CDH20: variants seen among roughly 807,000 people sequenced by gnomAD.
The protein encoded by CDH20 is cadherin-20.
CDH20 carries 29 observed loss-of-function variants against 74.2 expected under a neutral mutation model. The ratio of observed to expected loss-of-function variants is 0.39; its 90% CI spans 0.29 to 0.53. The LOEUF (loss-of-function observed/expected upper bound fraction) is 0.53. CDH20 is among the 20% of genes least tolerant of loss of function. CDH20 has a pLI of 0.69. For missense variants in CDH20, 988 were observed against 1,048.3 expected, an observed-to-expected ratio of 0.94 and a Z score of 0.79; for synonymous variants, 469 against 405.4, an observed-to-expected ratio of 1.16 and a Z score of -1.88.
intron 1 of CDH20, among the ~76,000 whole-genome samples, chr18:61,419,435 G>A (rs1912801959): frequency 6.6e-6 from 1 of 152,024 alleles, no homozygotes; most frequent in South Asian, 2.1e-4. Context: ...ATTCATTTGT[G>A]TACAAAAGTT....
chr18:61,507,473 A>C lies in CDH20; in HGVS notation c.930A>C (p.Lys310Asn). ...DLDEGINAEMKYTIVDGDGAD... is the reference protein window; with the variant it reads ...DLDEGINAEMNYTIVDGDGAD... ...ATGAAGGCATCAATGCAGAGATGAA[A>C]TATACTATTGTGGATGGAGATGGTG... is the stretch of plus-strand genomic sequence containing the variant. The change falls in exon 6 of 12, where the codon AAA (lysine) becomes AAC (asparagine). Residue 310 changes from lysine (K) to asparagine (N), a missense_variant. Physicochemically the swap from Lys to Asn is moderately conservative, Grantham distance 94 (BLOSUM62 0). This residue lies in a region of CDH20 where 613 missense variants were observed against 755.2 expected (regional missense o/e 0.81). Transcript: ENST00000262717. The C allele has an allele frequency of 6.2e-7, 1 of 1,614,058 alleles. No homozygotes were observed. Among genetic ancestry groups the C allele is most frequent in the Non-Finnish European group, 8.5e-7 (1 of 1,179,962 alleles).
At chr18:61,367,041 A>G (rs116398110) in intron 1 of CDH20, among the ~76,000 whole-genome samples, 2,260 of 152,272 alleles carry the variant, frequency 0.015, 62 homozygotes, top group African/African-American at 0.051. Context: ...AGACAGGAAG[A>G]GAGAAATAAG....
At chr18:61,410,148 T>C (rs1912449736) in intron 1 of CDH20, among the ~76,000 whole-genome samples, 1 of 152,202 alleles carries the variant, frequency 6.6e-6, no homozygotes, top group African/African-American at 2.4e-5. Flanking sequence ...TTCAGAATTG[T>C]CCTGTCCTGG....
chr18:61,463,568 AC>A (rs148805026), intron 1 of CDH20, among the ~76,000 whole-genome samples: 1,602 of 152,204 alleles, frequency 0.011, 27 homozygotes, highest in African/African-American at 0.037. Context: ...TCTCTGAAAC[AC>A]ACCCTTTGGC....
At chr18:61,361,038 G>A (rs1424437835) in intron 1 of CDH20, among the ~76,000 whole-genome samples, 1 of 152,136 alleles carries the variant, frequency 6.6e-6, no homozygotes, top group Non-Finnish European at 1.5e-5. Context: ...TCATTAAGGT[G>A]GACAATTAAT....
chr18:61,503,634 G>T (rs977642336), intron 5 of CDH20, among the ~76,000 whole-genome samples: 1 of 152,202 alleles, frequency 6.6e-6, no homozygotes, highest in Non-Finnish European at 1.5e-5. Flanking sequence ...GCACTTGCTT[G>T]GTGAGACCCC....
chr18:61,398,217 C>T (rs1041016284), intron 1 of CDH20, among the ~76,000 whole-genome samples: 8 of 152,254 alleles, frequency 5.3e-5, no homozygotes, highest in Non-Finnish European at 1.2e-4. Flanking sequence ...AACTAGTATA[C>T]GAATCATACA....
intron 1 of CDH20, among the ~76,000 whole-genome samples, chr18:61,425,728 A>C (rs979782920): frequency 6.6e-6 from 1 of 152,176 alleles, no homozygotes; most frequent in Admixed American, 6.5e-5. Flanking sequence ...GAGTGATAAA[A>C]CATTACACAT....
intron 1 of CDH20, among the ~76,000 whole-genome samples, chr18:61,484,737 CCACACACACACACACACACACACACACA>C (rs36203080): frequency 1.4e-5 from 2 of 146,250 alleles, no homozygotes; most frequent in African/African-American, 5.1e-5. Context: ...TTGCTCTACT[CCACACACACACACACACACACACACACA>C]CACACACACA....
In CDH20 at chr18:61,364,926, G is replaced by C. The variant is rs149264124; in HGVS notation, c.-153+31099G>C. The stretch of plus-strand genomic sequence containing the variant: ...TTCTAAATAGCTACACTAAAGTTGA[G>C]GTATAAAACCTCAATTTTAAGCATC... On this transcript the variant is annotated intron_variant, in intron 1 of 11. Coordinates refer to ENST00000262717, the MANE Select transcript of CDH20 (RefSeq NM_031891.4). Among the ~76,000 whole-genome samples, 995 of 152,202 alleles carry C rather than the reference G, an allele frequency of 6.5e-3. 7 individuals carry two copies. The highest frequency in any genetic ancestry group is 0.01 in the Non-Finnish European group (709 of 67,994).
intron 1 of CDH20, among the ~76,000 whole-genome samples, chr18:61,455,187 A>T (rs1414613634): frequency 1.3e-5 from 2 of 152,240 alleles, no homozygotes; most frequent in Non-Finnish European, 2.9e-5. Flanking sequence ...ATCATGAAAG[A>T]CAAGGAAAAT....
chr18:61,544,535 G>T (rs1913159664), intron 9 of CDH20, among the ~76,000 whole-genome samples: 1 of 152,184 alleles, frequency 6.6e-6, no homozygotes, highest in Non-Finnish European at 1.5e-5. Flanking sequence ...GCGGGGGATG[G>T]AGTGGGAAGG....
At chr18:61,524,568 G>A (rs2144363919) in intron 6 of CDH20, among the ~76,000 whole-genome samples, 1 of 152,300 alleles carries the variant, frequency 6.6e-6, no homozygotes, top group Non-Finnish European at 1.5e-5. Flanking sequence ...AGTGAAGAAT[G>A]GATAAATCAA....
intron 1 of CDH20, among the ~76,000 whole-genome samples, chr18:61,362,827 A>G (rs996974798): frequency 3.9e-5 from 6 of 152,286 alleles, no homozygotes; most frequent in Non-Finnish European, 4.4e-5. Context: ...CATATGCTTG[A>G]ATATACATAT....
At chr18:61,417,884 C>A (rs114973767) in intron 1 of CDH20, among the ~76,000 whole-genome samples, 1 of 152,256 alleles carries the variant, frequency 6.6e-6, no homozygotes, top group African/African-American at 2.4e-5. Context: ...TAGGCAGTCA[C>A]ACAGCATACG....
intron 6 of CDH20, among the ~76,000 whole-genome samples, chr18:61,518,574 TATC>T (rs1223724287): frequency 3.3e-5 from 5 of 151,232 alleles, no homozygotes; most frequent in Non-Finnish European, 7.4e-5. Flanking sequence ...ATAACATTAA[TATC>T]AACAAAAACA....
At chr18:61,516,245 T>C (rs1002752239) in intron 6 of CDH20, among the ~76,000 whole-genome samples, 1 of 152,222 alleles carries the variant, frequency 6.6e-6, no homozygotes, top group Admixed American at 6.5e-5. Context: ...AATACTCACA[T>C]TGGGAAACTT....
chr18:61,476,491 G>C (rs571502828), intron 1 of CDH20, among the ~76,000 whole-genome samples: 1 of 152,230 alleles, frequency 6.6e-6, no homozygotes, highest in East Asian at 1.9e-4. Flanking sequence ...AATGACTGCT[G>C]TATTAACTAC....
At chr18:61,502,450 T>G (rs963222217) in intron 4 of CDH20, among the ~76,000 whole-genome samples, 3 of 152,164 alleles carry the variant, frequency 2.0e-5, no homozygotes, top group African/African-American at 7.2e-5. Context: ...CAACCCTGCT[T>G]ACAGGTAGTA....
Sources: allele counts gnomAD v4.1 joint callset (sites outside exome capture counted in the v4.1 genomes callset), GRCh38; gene constraint gnomAD v4.1.1; regional missense constraint gnomAD v4.1.1; transcripts MANE v1.5; gene names NCBI Gene and HGNC (gene_info 2026-07-23, HGNC 2026-07-21).